The following LRRC4C variants were observed in gnomAD, a reference collection of about 807,000 sequenced individuals.
LRRC4C encodes the protein leucine rich repeat containing 4C.
Under a neutral mutation model 33.6 loss-of-function variants are expected in LRRC4C, and 5 were observed. The ratio of observed to expected loss-of-function variants is 0.15; its 90% confidence interval spans 0.08 to 0.31. The LOEUF (loss-of-function observed/expected upper bound fraction) is 0.31, where lower values mean the gene tolerates loss of function less well. Ranked by LOEUF, LRRC4C falls within the 10% of genes least tolerant of loss-of-function variation. The pLI, the probability that LRRC4C is intolerant of heterozygous loss-of-function variation, is 1.00. For synonymous variants in LRRC4C, 329 were observed against 302.0 expected (o/e 1.09, Z -0.93); for missense variants, 560 against 796.7 (o/e 0.70, Z 3.58).
chr11:41,248,685 T>A (rs1948532488), intron 1 of LRRC4C, among the ~76,000 whole-genome samples: 1 of 150,428 alleles, frequency 6.6e-6, no homozygotes, highest in Admixed American at 6.6e-5. Flanking sequence ...GACTTTAATT[T>A]TCATTCATAT....
At chr11:41,292,043 C>T (rs1950008011) in intron 1 of LRRC4C, among the ~76,000 whole-genome samples, 1 of 152,080 alleles carries the variant, frequency 6.6e-6, no homozygotes, top group African/African-American at 2.4e-5. Flanking sequence ...GTGGAAGATT[C>T]TATTTGATAT....
chr11:40,673,998 G>T (rs538807688), intron 2 of LRRC4C, among the ~76,000 whole-genome samples: 25 of 152,276 alleles, frequency 1.6e-4, no homozygotes, highest in African/African-American at 5.3e-4. Context: ...TTACCTCAAT[G>T]CTCAGTCATC....
intron 4 of LRRC4C, among the ~76,000 whole-genome samples, chr11:40,308,901 A>G (rs1945167610): frequency 6.6e-6 from 1 of 152,224 alleles, no homozygotes; most frequent in African/African-American, 2.4e-5. Flanking sequence ...AATAAAACGG[A>G]CATGCATATG....
chr11:40,805,860 A>G (rs1322584726), intron 2 of LRRC4C, among the ~76,000 whole-genome samples: 1 of 151,278 alleles, frequency 6.6e-6, no homozygotes, highest in African/African-American at 2.4e-5. Context: ...TATGACTCAG[A>G]AAAAAAAATA....
chr11:40,240,158 G>T (rs375391695), intron 5 of LRRC4C, among the ~76,000 whole-genome samples: 2 of 151,744 alleles, frequency 1.3e-5, no homozygotes, highest in Non-Finnish European at 2.9e-5. Flanking sequence ...TTTGCTTTTC[G>T]CACCCTGTCC....
At chr11:40,218,740 T>TATCTATCC (rs1491491352) in intron 5 of LRRC4C, among the ~76,000 whole-genome samples, 55 of 134,616 alleles carry the variant, frequency 4.1e-4, no homozygotes, top group South Asian at 7.2e-4. Flanking sequence ...TCTATCTATC[T>TATCTATCC]ATCCATCCAT....
chr11:40,690,767 A>G (rs2136398501), intron 2 of LRRC4C, among the ~76,000 whole-genome samples: 2 of 152,248 alleles, frequency 1.3e-5, no homozygotes, highest in Middle Eastern at 6.8e-3. Flanking sequence ...CAATGTGCAT[A>G]TATTTTAGCT....
intron 3 of LRRC4C, among the ~76,000 whole-genome samples, chr11:40,564,260 G>T (rs554054493): frequency 1.3e-5 from 2 of 152,166 alleles, no homozygotes; most frequent in African/African-American, 2.4e-5. Flanking sequence ...AATGCTTGGC[G>T]AAGTGTGAGT....
At chr11:41,012,146 T>C (rs1675423525) in intron 1 of LRRC4C, among the ~76,000 whole-genome samples, 1 of 152,098 alleles carries the variant, frequency 6.6e-6, no homozygotes, top group Non-Finnish European at 1.5e-5. Context: ...TAAACTACAG[T>C]CACTCTACTG....
intron 1 of LRRC4C, among the ~76,000 whole-genome samples, chr11:41,039,040 C>T (rs987850211): frequency 1.3e-5 from 2 of 151,972 alleles, no homozygotes; most frequent in African/African-American, 4.8e-5. Flanking sequence ...TCCTAGGTTT[C>T]CATCTAAGAT....
rs554307457 is a variant in LRRC4C, at chr11:40,728,531, C to T, written c.-406-80253G>A. On this transcript the variant is annotated intron_variant, in intron 2 of 6. Transcript: ENST00000528697. ...GTCCCAGCCTCTCGGAAGGCTGAGG[C>T]GGGAGAATGGTATGAACCAGAGAGG... Among the ~76,000 whole-genome samples, 21 of 142,922 alleles carry T rather than the reference C, an allele frequency of 1.5e-4. No individual in the cohort carries two copies. The South Asian group carries it at 4.5e-3, about 31-fold the overall frequency. The allele number at this position is 142,922 out of a possible 152,430, so 93.8% of individuals were successfully genotyped here. A position where few individuals can be genotyped will look rare whatever the true frequency, so the allele number is the denominator to read the frequency against.
intron 1 of LRRC4C, among the ~76,000 whole-genome samples, chr11:41,155,055 G>C (rs1401616712): frequency 6.6e-6 from 1 of 152,122 alleles, no homozygotes; most frequent in Non-Finnish European, 1.5e-5. Context: ...ATATTAGAAA[G>C]TCCAAATGGT....
chr11:40,945,492 C>T (rs529916153), intron 1 of LRRC4C, among the ~76,000 whole-genome samples: 102 of 152,160 alleles, frequency 6.7e-4, no homozygotes, highest in African/African-American at 2.4e-3. Flanking sequence ...ATATAATGAG[C>T]GTTTGAACAC....
intron 2 of LRRC4C, among the ~76,000 whole-genome samples, chr11:40,790,138 T>C (rs1465929697): frequency 2.6e-5 from 4 of 152,182 alleles, no homozygotes; most frequent in African/African-American, 9.6e-5. Context: ...CAAAACTTGA[T>C]TTTTACCCAC....
At chr11:41,312,015 G>A (rs1324092469) in intron 1 of LRRC4C, among the ~76,000 whole-genome samples, 3 of 152,144 alleles carry the variant, frequency 2.0e-5, no homozygotes, top group Non-Finnish European at 2.9e-5. Context: ...CTCAAAGACC[G>A]ACACGTTTTA....
rs541749523 is a variant in LRRC4C, at chr11:40,460,350, C to T, written c.-269-140629G>A. 5.3e-5 allele frequency among the ~76,000 whole-genome samples: 8 copies of T among 151,476 alleles called. No individual in the cohort carries two copies. The South Asian group carries it at 1.7e-3, about 32-fold the overall frequency. Reference sequence around the variant, plus strand: ...TGTTTGTGCTTGAAATTAAAATCCACCCAAGATACAGACAATGAAAAAAAT... The same window carrying T: ...TGTTTGTGCTTGAAATTAAAATCCATCCAAGATACAGACAATGAAAAAAAT... On this transcript the variant is annotated intron_variant, in intron 3 of 6. Transcript: ENST00000528697.
intron 1 of LRRC4C, among the ~76,000 whole-genome samples, chr11:41,253,717 C>A (rs1247384825): frequency 6.6e-6 from 1 of 152,102 alleles, no homozygotes; most frequent in Non-Finnish European, 1.5e-5. Context: ...GCTGTAATAT[C>A]TTATGATTCT....
At chr11:40,734,220 GA>G (rs1401915249) in intron 2 of LRRC4C, among the ~76,000 whole-genome samples, 3 of 152,100 alleles carry the variant, frequency 2.0e-5, no homozygotes, top group African/African-American at 7.2e-5. Context: ...CTTAGAGTCT[GA>G]AGGGTTGGGG....
At chr11:41,068,317 G>A (rs902966692) in intron 1 of LRRC4C, among the ~76,000 whole-genome samples, 26 of 151,984 alleles carry the variant, frequency 1.7e-4, no homozygotes, top group South Asian at 4.1e-4. Context: ...CACTTGAACC[G>A]GGGAGGTGGA....
Sources: gnomAD v4.1 joint callset for allele counts (sites outside exome capture counted in the v4.1 genomes callset) on GRCh38, gnomAD v4.1.1 for gene constraint, MANE v1.5 for transcripts, NCBI Gene and HGNC (gene_info 2026-07-23, HGNC 2026-07-21) for gene names.